Variants in XRN2 observed in about 807,000 individuals in gnomAD.
XRN2 encodes 5'-3' exoribonuclease 2.
Under a neutral mutation model 138.5 loss-of-function variants are expected in XRN2, and 44 were observed. The observed-to-expected ratio is 0.32, with a 90% CI of 0.25 to 0.41. XRN2 has a LOEUF of 0.41. XRN2 is among the 10% of genes least tolerant of loss of function. The pLI is 1.00. For synonymous variants in XRN2, 354 were observed against 369.4 expected, an observed-to-expected ratio of 0.96 and a Z score of 0.48; for missense variants, 937 against 1,169.3, an observed-to-expected ratio of 0.80 and a Z score of 2.90.
intron 8 of XRN2, 150 bp downstream of exon 8, chr20:21,331,968 T>A: frequency 1.1e-6 from 1 of 880,556 alleles, no homozygotes; most frequent in Non-Finnish European, 1.8e-6. Context: ...ATTGAGTTGC[T>A]GTTTAATCTG....
At chr20:21,324,766 T>A (rs1473325782) in intron 1 of XRN2, among the ~76,000 whole-genome samples, 2 of 152,216 alleles carry the variant, frequency 1.3e-5, no homozygotes, top group Non-Finnish European at 2.9e-5. Flanking sequence ...CCGAAGTAGC[T>A]GAGACTACCC....
chr20:21,307,352 T>G lies in XRN2; in HGVS notation c.75+3879T>G, dbSNP rs1484339808. Among the ~76,000 whole-genome samples the G allele has an allele frequency of 2.6e-5, 2 of 76,546 alleles. 1 individual carries two copies. Among genetic ancestry groups the G allele is most frequent in the African/African-American group, 7.2e-5 (2 of 27,950 alleles). The allele number at this position is 76,546 out of a possible 152,430, so 50.2% of individuals were successfully genotyped here. ...TAGGGAATGCTGTTTGATGATTTCT[T>G]GACCTTTTTTTCTTCCCTTTCCAGA... On this transcript the variant is annotated intron_variant, in intron 1 of 29. Transcript: ENST00000377191.
intron 1 of XRN2, among the ~76,000 whole-genome samples, chr20:21,310,012 T>A (rs1600667978): frequency 1.3e-5 from 2 of 152,242 alleles, no homozygotes; most frequent in Non-Finnish European, 1.5e-5. Flanking sequence ...GTTTTTTCTC[T>A]TCCTTGTTTA....
Position 21,332,369 on chromosome 20 carries a change from T to C in XRN2, c.787T>C (p.Cys263Arg), listed in dbSNP as rs1408544632. Residue 263 changes from cysteine to arginine, a missense_variant, in exon 9 of 30, where the codon TGT (cysteine) becomes CGT (arginine). Cys to Arg is a radical substitution (Grantham distance 180, BLOSUM62 -3). Transcript: ENST00000377191. Reference sequence around the variant, plus strand: ...ATTCAAACCAAACAAGCCCAAACCATGTGGTCTTTGTAATCAGTTTGGACA... The same window carrying C: ...ATTCAAACCAAACAAGCCCAAACCACGTGGTCTTTGTAATCAGTTTGGACA... ...EEFKPNKPKPCGLCNQFGHEV... is the reference protein window; with the variant it reads ...EEFKPNKPKPRGLCNQFGHEV... 6.2e-7 allele frequency: 1 copy of C among 1,613,800 alleles called. No individual in the cohort carries two copies.
chr20:21,382,120 T>C lies in XRN2; in HGVS notation c.2648+63T>C, dbSNP rs6047417. 2.1e-6 allele frequency: 3 copies of C among 1,450,982 alleles called. No homozygotes were observed. The African/African-American group carries it at 4.3e-5, about 21-fold the overall frequency. 89.9% of individuals were successfully genotyped at this position (1,450,982 alleles called of 1,614,324 possible). A position where few individuals can be genotyped will look rare whatever the true frequency, so the allele number is the denominator to read the frequency against. On this transcript the variant is annotated intron_variant, in intron 28 of 29. Coordinates refer to ENST00000377191, the MANE Select transcript of XRN2 (RefSeq NM_012255.5). Reference sequence around the variant, plus strand: ...TGACACCAACATTTGGGGTTTATGGTTTTTATGGAAGCTAAAACCTCTGTG... The same window carrying C: ...TGACACCAACATTTGGGGTTTATGGCTTTTATGGAAGCTAAAACCTCTGTG...
intron 20 of XRN2, among the ~76,000 whole-genome samples, chr20:21,350,309 G>A (rs1384368774): frequency 6.6e-6 from 1 of 152,012 alleles, no homozygotes. Flanking sequence ...GGCGGATCAC[G>A]AGGTCAGGAG....
intron 1 of XRN2, among the ~76,000 whole-genome samples, chr20:21,321,968 A>G (rs2038052341): frequency 6.6e-6 from 1 of 152,170 alleles, no homozygotes; most frequent in Non-Finnish European, 1.5e-5. Context: ...ATCTAGTGAA[A>G]TTACAATTAA....
chr20:21,308,263 A>G (rs1315041914), intron 1 of XRN2, among the ~76,000 whole-genome samples: 1 of 152,186 alleles, frequency 6.6e-6, no homozygotes. Context: ...ATTGATGAAC[A>G]TTGGGATTGT....
chr20:21,381,965 T>A, intron 27 of XRN2, 29 bp from the exon 28 acceptor site: 2 of 1,578,962 alleles, frequency 1.3e-6, no homozygotes, highest in Non-Finnish European at 1.7e-6. Context: ...TTTAAAAATC[T>A]TCTTAACCCT....
chr20:21,345,029 C>G (rs1216380538), intron 16 of XRN2, among the ~76,000 whole-genome samples: 2 of 152,206 alleles, frequency 1.3e-5, no homozygotes, highest in Non-Finnish European at 2.9e-5. Context: ...AGAAACTTTG[C>G]AAGGGTCACG....
At chr20:21,309,682 C>T (rs2037852238) in intron 1 of XRN2, among the ~76,000 whole-genome samples, 1 of 151,964 alleles carries the variant, frequency 6.6e-6, no homozygotes, top group African/African-American at 2.4e-5. Context: ...TAAAGTTGTT[C>T]ATAGTATTTT....
chr20:21,322,236 T>A (rs1368768625), intron 1 of XRN2, among the ~76,000 whole-genome samples: 3 of 152,212 alleles, frequency 2.0e-5, no homozygotes, highest in African/African-American at 7.2e-5. Context: ...TAGTCCTCAT[T>A]CACTAACGTC....
rs781086191 is a variant in XRN2 at position 21,389,512 on chromosome 20, T to C, written c.*174T>C. 6.6e-5 allele frequency: 39 copies of C among 588,040 alleles called. No individual in the cohort carries two copies. The highest frequency in any genetic ancestry group is 1.1e-4 in the Non-Finnish European group (38 of 345,416). The allele number at this position is 588,040 out of a possible 1,614,324, so 36.4% of individuals were successfully genotyped here. On this transcript the variant is annotated 3_prime_UTR_variant, in exon 30 of 30. Coordinates refer to ENST00000377191, the MANE Select transcript of XRN2 (RefSeq NM_012255.5). Reference sequence around the variant, plus strand: ...CACTGTTTATGTTGCTTTCCAAAGATGTATGTTGCATAATACAGTGGATCT... The same window carrying C: ...CACTGTTTATGTTGCTTTCCAAAGACGTATGTTGCATAATACAGTGGATCT...
chr20:21,334,840 A>C (rs539680868), intron 13 of XRN2, among the ~76,000 whole-genome samples: 5 of 152,122 alleles, frequency 3.3e-5, no homozygotes, highest in Non-Finnish European at 7.4e-5. Flanking sequence ...CATTTTGGAG[A>C]TGTTTAATGT....
intron 26 of XRN2, among the ~76,000 whole-genome samples, chr20:21,367,877 C>T (rs190612037): frequency 9.9e-5 from 15 of 152,268 alleles, no homozygotes; most frequent in African/African-American, 3.6e-4. Context: ...ACCTTTGGTC[C>T]AAATTCCTAC....
At chr20:21,387,210 C>A (rs2038945975) in intron 29 of XRN2, among the ~76,000 whole-genome samples, 1 of 152,116 alleles carries the variant, frequency 6.6e-6, no homozygotes, top group Non-Finnish European at 1.5e-5. Context: ...TTGAAGATGC[C>A]AAAGAATTTC....
intron 20 of XRN2, among the ~76,000 whole-genome samples, chr20:21,354,238 T>TAAAAA (rs2038548663): frequency 6.6e-6 from 1 of 152,184 alleles, no homozygotes; most frequent in Non-Finnish European, 1.5e-5. Flanking sequence ...AAGCAAGTCT[T>TAAAAA]TAAAATTTTT....
chr20:21,323,295 G>GT (rs779526797), intron 1 of XRN2, among the ~76,000 whole-genome samples: 1 of 152,128 alleles, frequency 6.6e-6, no homozygotes, highest in Non-Finnish European at 1.5e-5. Flanking sequence ...CAGTAGATTT[G>GT]TTTGTTTGTT....
chr20:21,365,768 C>T (rs2038685813), intron 26 of XRN2, 64 bp downstream of exon 26: 1 of 1,421,148 alleles, frequency 7.0e-7, no homozygotes, highest in African/African-American at 1.5e-5. Context: ...TAAAACAAGT[C>T]AGTATTTATG....
Sources: allele counts gnomAD v4.1 joint callset (sites outside exome capture counted in the v4.1 genomes callset), GRCh38; gene constraint gnomAD v4.1.1; transcripts MANE v1.5; gene names NCBI Gene and HGNC (gene_info 2026-07-23, HGNC 2026-07-21).